Variants in SLIT3 observed in about 807,000 individuals in gnomAD.
The protein encoded by SLIT3 is slit homolog 3 protein.
SLIT3 carries 68 observed loss-of-function variants against 184.0 expected under a neutral mutation model. The ratio of observed to expected loss-of-function variants is 0.37; its 90% CI spans 0.30 to 0.45. The LOEUF (loss-of-function observed/expected upper bound fraction) is 0.45, where lower values mean the gene tolerates loss of function less well. Among genes scored for constraint, SLIT3 ranks in the 20% least tolerant of loss-of-function variants. SLIT3 has a pLI of 1.00. For missense variants in SLIT3, 1,707 were observed against 2,026.0 expected, an observed-to-expected ratio of 0.84 and a Z score of 3.02; for synonymous variants, 831 against 828.6, an observed-to-expected ratio of 1.00 and a Z score of -0.05.
At chr5:169,219,185 A>T (rs115432514) in intron 3 of SLIT3, among the ~76,000 whole-genome samples, 1,613 of 152,246 alleles carry the variant, frequency 0.011, 43 homozygotes, top group African/African-American at 0.037. Context: ...TTATTATCAG[A>T]AGAAAAAAGA....
chr5:169,193,171 A>C (rs297898), intron 4 of SLIT3, among the ~76,000 whole-genome samples: 29,072 of 152,098 alleles, frequency 0.19, 3,047 homozygotes, highest in East Asian at 0.44. Context: ...CAGGGAATTT[A>C]CCTGAAGTAA....
At chr5:168,723,104 TACCCATCCACCCATCC>T in intron 21 of SLIT3, 100 bp from the exon 22 acceptor site, 1 of 801,600 alleles carries the variant, frequency 1.2e-6, no homozygotes, top group Non-Finnish European at 2.2e-6. Context: ...CCCACTCATC[TACCCATCCACCCATCC>T]ACCCACCTAT....
At chr5:169,004,967 C>T (rs865966045) in intron 4 of SLIT3, among the ~76,000 whole-genome samples, 10 of 152,228 alleles carry the variant, frequency 6.6e-5, no homozygotes, top group South Asian at 2.1e-4. Context: ...TACAGGCGCA[C>T]GTTGTTTTAT....
Position 169,119,166 on chromosome 5 carries a change from T to A in SLIT3, c.413+74313A>T, listed in dbSNP as rs529920955. 1.6e-4 allele frequency among the ~76,000 whole-genome samples: 24 copies of A among 152,302 alleles called. No individual in the cohort carries two copies. The East Asian group carries it at 4.6e-3, about 29-fold the overall frequency. On this transcript the variant is annotated intron_variant, in intron 4 of 35. Coordinates refer to ENST00000519560, the MANE Select transcript of SLIT3 (RefSeq NM_003062.4). ...GCTGATACATATGGAAGTCAAAGAC[T>A]CTGACCCAGAGCAAAAGTCTTGGAG...
At chr5:169,001,057 C>A (rs1475755894) in intron 4 of SLIT3, among the ~76,000 whole-genome samples, 1 of 152,194 alleles carries the variant, frequency 6.6e-6, no homozygotes, top group Non-Finnish European at 1.5e-5. Flanking sequence ...TAATCCCATT[C>A]AATGGGAAAA....
chr5:168,912,518 G>C (rs1449848890), intron 4 of SLIT3, among the ~76,000 whole-genome samples: 1 of 152,178 alleles, frequency 6.6e-6, no homozygotes, highest in Non-Finnish European at 1.5e-5. Context: ...CACAGAGCCA[G>C]AAAGCAGTAG....
chr5:168,860,033 T>C (rs1319545338), intron 5 of SLIT3, among the ~76,000 whole-genome samples: 1 of 152,166 alleles, frequency 6.6e-6, no homozygotes, highest in Non-Finnish European at 1.5e-5. Flanking sequence ...TTTAGGTTAT[T>C]AACAAAATCA....
chr5:168,695,682 G>C (rs538380310), intron 28 of SLIT3, among the ~76,000 whole-genome samples: 1 of 152,078 alleles, frequency 6.6e-6, no homozygotes, highest in African/African-American at 2.4e-5. Flanking sequence ...TTTGTGTTTG[G>C]GGGGTAGGTG....
intron 3 of SLIT3, among the ~76,000 whole-genome samples, chr5:169,219,847 CCTTGAGTGG>C (rs1387189573): frequency 3.3e-5 from 5 of 152,176 alleles, no homozygotes; most frequent in African/African-American, 1.2e-4. Flanking sequence ...GCTGAGTGTT[CCTTGAGTGG>C]CTTTTCCTTC....
At chr5:168,862,655 G>GTTTTT (rs144949665) in intron 5 of SLIT3, among the ~76,000 whole-genome samples, 4 of 149,400 alleles carry the variant, frequency 2.7e-5, no homozygotes, top group African/African-American at 1.0e-4. Flanking sequence ...TAGAACATTG[G>GTTTTT]TTTTTTTGTT....
intron 1 of SLIT3, among the ~76,000 whole-genome samples, chr5:169,276,008 T>G (rs1274150555): frequency 6.6e-6 from 1 of 152,090 alleles, no homozygotes; most frequent in East Asian, 1.9e-4. Context: ...TATGTCAGTG[T>G]GTGGGCTGTG....
chr5:169,020,090 T>C (rs1756541216), intron 4 of SLIT3, among the ~76,000 whole-genome samples: 1 of 152,190 alleles, frequency 6.6e-6, no homozygotes, highest in African/African-American at 2.4e-5. Flanking sequence ...GTGGTTACTT[T>C]CATAGTATCA....
intron 8 of SLIT3, among the ~76,000 whole-genome samples, chr5:168,812,886 A>C (rs1757206988): frequency 6.8e-6 from 1 of 147,302 alleles, no homozygotes; most frequent in African/African-American, 2.4e-5. Flanking sequence ...CTAGTCCCAA[A>C]TTAAAAAAAA....
intron 4 of SLIT3, among the ~76,000 whole-genome samples, chr5:169,049,694 C>A (rs1017105920): frequency 6.6e-6 from 1 of 152,082 alleles, no homozygotes; most frequent in Non-Finnish European, 1.5e-5. Context: ...TCTATTGTAG[C>A]GGTAAGGACA....
chr5:169,003,456 A>T (rs1299520732), intron 4 of SLIT3, among the ~76,000 whole-genome samples: 1 of 152,168 alleles, frequency 6.6e-6, no homozygotes, highest in Non-Finnish European at 1.5e-5. Flanking sequence ...CCGATACCCT[A>T]GTTCTTTTCA....
intron 4 of SLIT3, among the ~76,000 whole-genome samples, chr5:168,950,451 G>A (rs73312203): frequency 0.02 from 3,106 of 152,252 alleles, 107 homozygotes; most frequent in African/African-American, 0.07. Context: ...GAAGAGAAAC[G>A]TTTTCTTAGA....
intron 4 of SLIT3, among the ~76,000 whole-genome samples, chr5:168,912,106 C>T (rs897615681): frequency 7.2e-5 from 11 of 152,244 alleles, no homozygotes; most frequent in South Asian, 4.2e-4. Flanking sequence ...AAGATGAGGA[C>T]GGAGGTTTTT....
At chr5:169,093,521 T>C (rs905261055) in intron 4 of SLIT3, among the ~76,000 whole-genome samples, 3 of 152,218 alleles carry the variant, frequency 2.0e-5, no homozygotes, top group African/African-American at 4.8e-5. Context: ...TGGCTTGTGC[T>C]GAGGGTCGAG....
intron 4 of SLIT3, among the ~76,000 whole-genome samples, chr5:169,146,987 A>G (rs1324545444): frequency 2.0e-5 from 3 of 152,240 alleles, no homozygotes; most frequent in African/African-American, 7.2e-5. Flanking sequence ...TTAATACAAG[A>G]AAACTACTTA....
Sources: allele counts gnomAD v4.1 joint callset (sites outside exome capture counted in the v4.1 genomes callset), GRCh38; gene constraint gnomAD v4.1.1; transcripts MANE v1.5; gene names NCBI Gene and HGNC (gene_info 2026-07-23, HGNC 2026-07-21).